SDK1: variants seen among roughly 807,000 people sequenced by gnomAD.
SDK1 encodes the protein sidekick cell adhesion molecule 1, also known as protein sidekick-1.
A neutral mutation model predicts 245.5 loss-of-function variants in SDK1; 157 were observed. That is an observed-to-expected ratio of 0.64 (90% confidence interval 0.56 to 0.73). SDK1 has a LOEUF of 0.73. SDK1 is among the 30% of genes least tolerant of loss of function. SDK1 has a pLI of 0.00. For synonymous variants in SDK1, 1,647 were observed against 1,278.5 expected (o/e 1.29, Z -6.15); for missense variants, 3,583 against 3,002.3 (o/e 1.19, Z -4.52).
chr7:3,386,048 A>G (rs1368187452), intron 1 of SDK1, among the ~76,000 whole-genome samples: 1 of 152,162 alleles, frequency 6.6e-6, no homozygotes, highest in East Asian at 1.9e-4. Context: ...ATATTACTCA[A>G]ATAAACGATG....
intron 13 of SDK1, among the ~76,000 whole-genome samples, chr7:3,978,352 T>G (rs1783132847): frequency 6.6e-6 from 1 of 152,240 alleles, no homozygotes; most frequent in African/African-American, 2.4e-5. Flanking sequence ...TTATTTGATT[T>G]CCTCTAAGTA....
At chr7:4,011,152 C>G (rs541962031) in intron 15 of SDK1, 39 bp downstream of exon 15, 2 of 1,604,962 alleles carry the variant, frequency 1.2e-6, no homozygotes, top group Admixed American at 3.4e-5. Flanking sequence ...GTGGAACAGC[C>G]GGGGGCCTGA....
chr7:4,100,648 C>G (rs558368473), intron 22 of SDK1, among the ~76,000 whole-genome samples: 5 of 152,156 alleles, frequency 3.3e-5, no homozygotes, highest in African/African-American at 1.2e-4. Flanking sequence ...CTCACCAGGA[C>G]CCACCCAGGC....
At chr7:3,339,382 A>G (rs892695354) in intron 1 of SDK1, among the ~76,000 whole-genome samples, 1 of 152,218 alleles carries the variant, frequency 6.6e-6, no homozygotes, top group Non-Finnish European at 1.5e-5. Flanking sequence ...ATTCTTAGCA[A>G]TTAGTAAAAC....
At chr7:4,004,989 A>G (rs944534291) in intron 14 of SDK1, among the ~76,000 whole-genome samples, 4 of 149,750 alleles carry the variant, frequency 2.7e-5, no homozygotes, top group Admixed American at 1.3e-4. Context: ...GAAGGCCCCA[A>G]GTCCTAGATT....
At chr7:3,480,356 C>T (rs1287817529) in intron 1 of SDK1, among the ~76,000 whole-genome samples, 2 of 151,988 alleles carry the variant, frequency 1.3e-5, no homozygotes, top group African/African-American at 4.8e-5. Context: ...TGCACATATG[C>T]TCATGTAGGA....
intron 1 of SDK1, among the ~76,000 whole-genome samples, chr7:3,360,881 G>T (rs1038477012): frequency 3.2e-5 from 3 of 94,092 alleles, no homozygotes; most frequent in Admixed American, 9.4e-5. Context: ...AGATAGTACT[G>T]CCTATGTGTC....
chr7:3,635,820 C>A (rs1486762074), intron 2 of SDK1, among the ~76,000 whole-genome samples: 1 of 152,182 alleles, frequency 6.6e-6, no homozygotes, highest in Non-Finnish European at 1.5e-5. Flanking sequence ...GATCTTCCCA[C>A]CTCAGCCCCT....
At chr7:4,082,671 A>G (rs1484569457) in intron 22 of SDK1, among the ~76,000 whole-genome samples, 1 of 151,642 alleles carries the variant, frequency 6.6e-6, no homozygotes, top group African/African-American at 2.4e-5. Flanking sequence ...CCCAGACAGG[A>G]GTGAAGTGGT....
At chr7:3,957,838 G>C (rs901683347) in intron 7 of SDK1, among the ~76,000 whole-genome samples, 3 of 152,180 alleles carry the variant, frequency 2.0e-5, no homozygotes, top group Non-Finnish European at 4.4e-5. Context: ...AACTTAAGTA[G>C]AGGAATCTGC....
chr7:3,717,843 G>T (rs1312864451), intron 4 of SDK1, among the ~76,000 whole-genome samples: 1 of 151,724 alleles, frequency 6.6e-6, no homozygotes, highest in Non-Finnish European at 1.5e-5. Flanking sequence ...ATTTAAAGAA[G>T]AATTTAAATC....
chr7:4,094,388 A>T (rs1034788091), intron 22 of SDK1, among the ~76,000 whole-genome samples: 2 of 152,098 alleles, frequency 1.3e-5, no homozygotes, highest in Non-Finnish European at 2.9e-5. Context: ...AGCCAAATGG[A>T]TTGCCCTGGA....
At chr7:3,781,682 A>T (rs1041252598) in intron 4 of SDK1, among the ~76,000 whole-genome samples, 10 of 152,202 alleles carry the variant, frequency 6.6e-5, no homozygotes, top group Non-Finnish European at 1.5e-4. Context: ...AAAATTTGGA[A>T]AACAGTACAC....
At chr7:4,069,013 C>A (rs531481938) in intron 20 of SDK1, among the ~76,000 whole-genome samples, 2 of 152,150 alleles carry the variant, frequency 1.3e-5, no homozygotes, top group Non-Finnish European at 2.9e-5. Flanking sequence ...TGAGCCACTG[C>A]GCCTGGCCAA....
In SDK1 at chr7:3,463,064, C is replaced by A. The variant is rs563651823; in HGVS notation, c.299-156016C>A. ...TGTTCCCTCCTGCTATGGGGCTTTG[C>A]ACTTGTTTCTTGCCCTTCCTTCATC... On this transcript the variant is annotated intron_variant, in intron 1 of 44. Coordinates refer to ENST00000404826, the MANE Select transcript of SDK1 (RefSeq NM_152744.4). Among the ~76,000 whole-genome samples, 24 of 152,274 alleles carry A rather than the reference C, an allele frequency of 1.6e-4. No individual in the cohort carries two copies. In the East Asian group the frequency reaches 4.2e-3, roughly 27 times the overall value.
chr7:3,694,511 C>G (rs1471336954), intron 4 of SDK1, among the ~76,000 whole-genome samples: 1 of 152,188 alleles, frequency 6.6e-6, no homozygotes, highest in East Asian at 1.9e-4. Flanking sequence ...GAAATTACAC[C>G]TCAGTCGGGG....
intron 4 of SDK1, among the ~76,000 whole-genome samples, chr7:3,797,246 G>C (rs957055347): frequency 6.6e-6 from 1 of 152,032 alleles, no homozygotes; most frequent in Non-Finnish European, 1.5e-5. Flanking sequence ...GCCTCCCAAA[G>C]TGCTGGGATT....
In SDK1 at chr7:3,301,677, T is replaced by A; in HGVS notation, c.91T>A (p.Ser31Thr). The change falls in exon 1 of 45, where the codon TCC becomes ACC. Residue 31 changes from serine (S) to threonine (T), a missense_variant. Physicochemically the swap from Ser to Thr is moderately conservative, Grantham distance 58. Transcript: ENST00000404826. ...ERAGPGRPRG[S>T]PPGRARPSLA... ...CGCGGGCCCCGGGCGGCCGCGGGGATCCCCGCCCGGCCGCGCCCGCCCCTC... is the reference window on the plus strand; with the variant it reads ...CGCGGGCCCCGGGCGGCCGCGGGGAACCCCGCCCGGCCGCGCCCGCCCCTC... 2.1e-6 allele frequency: 2 copies of A among 968,930 alleles called. No individual in the cohort carries two copies. The highest frequency in any genetic ancestry group is 1.2e-4 in the East Asian group (1 of 8,196). 60.0% of individuals were successfully genotyped at this position (968,930 alleles called of 1,614,324 possible).
At chr7:3,508,198 C>G (rs997541890) in intron 1 of SDK1, among the ~76,000 whole-genome samples, 21 of 147,250 alleles carry the variant, frequency 1.4e-4, no homozygotes, top group Non-Finnish European at 2.8e-4. Context: ...ATTTTTTTTT[C>G]TGGTTTCAGA....
Sources: allele counts gnomAD v4.1 joint callset (sites outside exome capture counted in the v4.1 genomes callset), GRCh38; gene constraint gnomAD v4.1.1; transcripts MANE v1.5; gene names NCBI Gene and HGNC (gene_info 2026-07-23, HGNC 2026-07-21).